The following ADAMTS13 variants were observed in gnomAD, a reference collection of about 807,000 sequenced individuals.
ADAMTS13 encodes A disintegrin and metalloproteinase with thrombospondin motifs 13.
ADAMTS13 carries 110 observed loss-of-function variants against 155.1 expected under a neutral mutation model. The ratio of observed to expected loss-of-function variants is 0.71; its 90% confidence interval spans 0.61 to 0.83. The LOEUF is 0.83. Among genes scored for constraint, ADAMTS13 ranks in the 40% least tolerant of loss-of-function variants. ADAMTS13 has a pLI of 0.00. For missense variants in ADAMTS13, 1,707 were observed against 1,891.7 expected (o/e 0.90, Z 1.81); for synonymous variants, 758 against 756.4 (o/e 1.00, Z -0.03).
At chr9:133,417,965 C>T, upstream of ADAMTS13, 1 of 924,978 alleles carries the variant, frequency 1.1e-6, no homozygotes, top group Admixed American at 2.8e-5. Flanking sequence ...CGCAGGGACC[C>T]CGTCCAGGAA....
At chr9:133,448,175 A>G (rs2130905862) in intron 21 of ADAMTS13, among the ~76,000 whole-genome samples, 1 of 151,672 alleles carries the variant, frequency 6.6e-6, no homozygotes, top group Non-Finnish European at 1.5e-5. Flanking sequence ...TTTTTAGTAG[A>G]GACGGGGTTT....
chr9:133,416,833 G>A (rs1172259557), intron 1 of ADAMTS13, among the ~76,000 whole-genome samples: 1 of 152,174 alleles, frequency 6.6e-6, no homozygotes, highest in Non-Finnish European at 1.5e-5. Context: ...TCTTATTGTG[G>A]GGATTGCAAC....
In ADAMTS13 at chr9:133,459,086, C is replaced by T; in HGVS notation, c.4022C>T (p.Ala1341Val). The part of the protein sequence containing the change: ...EMEFSEGFLK[A>V]QASLRGQYWT... ...GAGTTCAGCGAGGGCTTCCTGAAGGCTCAGGCCAGCCTGCGGGGCCAGTAC... is the reference window on the plus strand; with the variant it reads ...GAGTTCAGCGAGGGCTTCCTGAAGGTTCAGGCCAGCCTGCGGGGCCAGTAC... Residue 1341 changes from alanine (A) to valine (V), a missense_variant, in exon 29 of 29, where the codon GCT (alanine) becomes GTT (valine). Around this residue, in one of 3 missense-constraint regions of ADAMTS13, gnomAD observed 961 missense variants for 1,107.9 expected, o/e 0.87. Transcript: ENST00000355699. 6.2e-7 allele frequency: 1 copy of T among 1,612,914 alleles called. No homozygotes were observed. Among genetic ancestry groups the T allele is most frequent in the Non-Finnish European group, 8.5e-7 (1 of 1,179,922 alleles).
At position 133,443,427 on chromosome 9, in the gene ADAMTS13, G is replaced by A; in HGVS notation, c.2286G>A (p.Leu762=). Residue 762 remains leucine (L), a synonymous_variant, in exon 19 of 29, where the codon CTG becomes CTA. Coordinates refer to ENST00000355699, the MANE Select transcript of ADAMTS13 (RefSeq NM_139027.6). ...GCAGCGCCTCCTGTGGGGGTGGCCT[G>A]CGGGAGCGGCCAGTGCGCTGCGTGG... The part of the protein sequence containing the change: ...GPCSASCGGG[L]RERPVRCVEA... 6.3e-7 allele frequency: 1 copy of A among 1,596,984 alleles called. No homozygotes were observed.
intron 1 of ADAMTS13, among the ~76,000 whole-genome samples, chr9:133,415,411 CT>C (rs11428403): frequency 2.0e-3 from 286 of 143,110 alleles, no homozygotes; most frequent in Non-Finnish European, 2.1e-3. Flanking sequence ...ACAGAAATCG[CT>C]TTTTTTTTTT....
intron 6 of ADAMTS13, 118 bp downstream of exon 6, chr9:133,426,463 C>T: frequency 1.5e-6 from 2 of 1,366,690 alleles, no homozygotes; most frequent in South Asian, 2.5e-5. Flanking sequence ...GGAGCCTGTA[C>T]CCCTCACCCC....
chr9:133,450,736 C>T lies in ADAMTS13; in HGVS notation c.3044+771C>T, dbSNP rs36222276. Reference sequence around the variant, plus strand: ...TGGCACTCCAGCCTGGGCTACAGAGCGAGACTCCGTCTCAAAAACAAAACA... The same window carrying T: ...TGGCACTCCAGCCTGGGCTACAGAGTGAGACTCCGTCTCAAAAACAAAACA... On this transcript the variant is annotated intron_variant, in intron 23 of 28. Transcript: ENST00000355699. 7.7e-3 allele frequency among the ~76,000 whole-genome samples: 1,171 copies of T among 152,184 alleles called. 13 individuals carry two copies. The highest frequency in any genetic ancestry group is 0.027 in the African/African-American group (1,100 of 41,504).
chr9:133,414,780 C>A (rs1554781161), intron 1 of ADAMTS13: 1 of 1,614,198 alleles, frequency 6.2e-7, no homozygotes, highest in South Asian at 1.1e-5. Flanking sequence ...TTATTGTGCT[C>A]TGTTCCACTG....
In ADAMTS13 at chr9:133,456,539, C is replaced by G; in HGVS notation, c.3548-4C>G. ...TGGACCCTCACTGCCCTGCCGCTTC[C>G]TAGGGGACATGTTGCTGCTTTGGGG... On this transcript the variant is annotated splice_region_variant and splice_polypyrimidine_tract_variant and intron_variant, in intron 26 of 28. Coordinates refer to ENST00000355699, the MANE Select transcript of ADAMTS13 (RefSeq NM_139027.6). This position sits in a 1 kb window ranked among gnomAD's most constrained non-coding sequence, Gnocchi z 4.4. 1 of 1,612,934 alleles carries G rather than the reference C, an allele frequency of 6.2e-7. No individual in the cohort carries two copies. Among genetic ancestry groups the G allele is most frequent in the South Asian group, 1.1e-5 (1 of 90,878 alleles).
rs1470404135 is a variant in ADAMTS13, at chr9:133,427,246, AACAC to A, written c.686+902_686+905del. Among the ~76,000 whole-genome samples the A allele has an allele frequency of 2.6e-5, 4 of 152,352 alleles. No homozygotes were observed. In the East Asian group the frequency reaches 7.7e-4, roughly 29 times the overall value. On this transcript the variant is annotated intron_variant, in intron 6 of 28. Transcript: ENST00000355699. ...TCTTCTTGGATGTCTAGGTTGTCTG[AACAC>A]GTCTTCCTGTTGTGAATGTTATGCA...
rs60906567 is a variant in ADAMTS13 at position 133,431,329 on chromosome 9, A to ATT, written c.987+1242_987+1243dup. On this transcript the variant is annotated intron_variant, in intron 8 of 28. Coordinates refer to ENST00000355699, the MANE Select transcript of ADAMTS13 (RefSeq NM_139027.6). The stretch of plus-strand genomic sequence containing the variant: ...TTTTGACCTGGAAGTTCATTTTTTC[A>ATT]TTTTTTTTTTTTTTTGAGACAGAGT... Among the ~76,000 whole-genome samples the ATT allele has an allele frequency of 1.7e-3, 232 of 137,438 alleles. 1 individual carries two copies. The highest frequency in any genetic ancestry group is 4.3e-3 in the Middle Eastern group (1 of 234). The allele number at this position is 137,438 out of a possible 152,430, so 90.2% of individuals were successfully genotyped here. A position where few individuals can be genotyped will look rare whatever the true frequency, so the allele number is the denominator to read the frequency against.
chr9:133,432,873 CA>C (rs1474438189), intron 9 of ADAMTS13, among the ~76,000 whole-genome samples, 181 bp downstream of exon 9: 1 of 152,054 alleles, frequency 6.6e-6, no homozygotes, highest in Non-Finnish European at 1.5e-5. Context: ...CATTTGCTCC[CA>C]TGCAGAATGG....
At chr9:133,431,242 G>A (rs1413058716) in intron 8 of ADAMTS13, among the ~76,000 whole-genome samples, 1 of 152,014 alleles carries the variant, frequency 6.6e-6, no homozygotes, top group Non-Finnish European at 1.5e-5. Flanking sequence ...TGGGATTACA[G>A]ACATGAGCCA....
At chr9:133,418,383 C>A (rs777025856), upstream of ADAMTS13, among the ~76,000 whole-genome samples, 1 of 152,234 alleles carries the variant, frequency 6.6e-6, no homozygotes, top group South Asian at 2.1e-4. Flanking sequence ...GCTCCTTGCT[C>A]AGCCTCACAG....
chr9:133,449,956 G>A lies in ADAMTS13; in HGVS notation c.3035G>A (p.Cys1012Tyr). ...CAGGAGGCCTGCAGCCTGGAGCCCT[G>A]CCCACCTAGGTGAGTCAGCCGGTGA... is the stretch of plus-strand genomic sequence containing the variant. Reference protein sequence around the residue: ...EPQEACSLEPCPPRWKVMSLG... With the variant: ...EPQEACSLEPYPPRWKVMSLG... The change falls in exon 23 of 29, where the codon TGC becomes TAC. Residue 1012 changes from cysteine (C) to tyrosine (Y), a missense_variant. Coordinates refer to ENST00000355699, the MANE Select transcript of ADAMTS13 (RefSeq NM_139027.6). 1 of 1,602,412 alleles carries A rather than the reference G, an allele frequency of 6.2e-7. No individual in the cohort carries two copies. The highest frequency in any genetic ancestry group is 8.5e-7 in the Non-Finnish European group (1 of 1,176,148).
chr9:133,426,491 G>C (rs1390890532), intron 6 of ADAMTS13, 146 bp downstream of exon 6: 9 of 1,153,592 alleles, frequency 7.8e-6, no homozygotes, highest in Non-Finnish European at 1.1e-5. Flanking sequence ...TCAGGTGTGA[G>C]GACAGGGGAA....
Position 133,424,293 on chromosome 9 carries a change from G to A in ADAMTS13, c.173-28G>A, listed in dbSNP as rs782385766. On this transcript the variant is annotated intron_variant, in intron 2 of 28. Coordinates refer to ENST00000355699, the MANE Select transcript of ADAMTS13 (RefSeq NM_139027.6). The surrounding 1 kb of genome is among the most constrained non-coding windows in gnomAD (Gnocchi z 4.3). ...CCACTGCTTGCTCTCTAGAACCATC[G>A]CCCTCTGCTCTCCCTCTCCCCCTCC... is the stretch of plus-strand genomic sequence containing the variant. The A allele has an allele frequency of 1.2e-5, 19 of 1,608,956 alleles. No individual in the cohort carries two copies. Among genetic ancestry groups the A allele is most frequent in the African/African-American group, 6.7e-5 (5 of 74,760 alleles).
chr9:133,445,673 C>T lies in ADAMTS13; in HGVS notation c.2611-26C>T, dbSNP rs1347475274. On this transcript the variant is annotated intron_variant, in intron 20 of 28. Transcript: ENST00000355699. This position sits in a 1 kb window ranked among gnomAD's most constrained non-coding sequence, Gnocchi z 5.0. ...TGGGTCCTCAGAGGAGGCCCAGACC[C>T]ACCAGCTTGTTGCTATTCCCCACAG... The T allele has an allele frequency of 6.2e-7, 1 of 1,612,492 alleles. No homozygotes were observed. The highest frequency in any genetic ancestry group is 1.3e-5 in the African/African-American group (1 of 74,924).
At chr9:133,438,876 A>C (rs975940020) in intron 14 of ADAMTS13, among the ~76,000 whole-genome samples, 1 of 144,856 alleles carries the variant, frequency 6.9e-6, no homozygotes, top group Non-Finnish European at 1.5e-5. Context: ...ATCCCTCTGC[A>C]CTCCAGCCCG....
Sources: gnomAD v4.1 joint callset for allele counts (sites outside exome capture counted in the v4.1 genomes callset) on GRCh38, gnomAD v4.1.1 for gene constraint, gnomAD v4.1.1 regional missense constraint, Gnocchi (gnomAD v3.1) non-coding constraint, MANE v1.5 for transcripts, NCBI Gene and HGNC (gene_info 2026-07-23, HGNC 2026-07-21) for gene names.